Variants in KCNQ1 observed in about 807,000 individuals in gnomAD.
KCNQ1 encodes potassium voltage-gated channel subfamily Q member 1.
Under a neutral mutation model 72.4 loss-of-function variants are expected in KCNQ1, and 49 were observed. The observed-to-expected ratio is 0.68, with a 90% confidence interval of 0.54 to 0.86. The LOEUF is 0.86. Ranked by LOEUF, KCNQ1 falls within the 40% of genes least tolerant of loss-of-function variation. KCNQ1 has a pLI of 0.00. For missense variants in KCNQ1, 790 were observed against 945.1 expected, an observed-to-expected ratio of 0.84 and a Z score of 2.15; for synonymous variants, 450 against 412.6, an observed-to-expected ratio of 1.09 and a Z score of -1.10.
In KCNQ1 at chr11:2,498,466, C is replaced by T. The variant is rs1846956590; in HGVS notation, c.387-29462C>T. On this transcript the variant is annotated intron_variant, in intron 1 of 15. Coordinates refer to ENST00000155840, the MANE Select transcript of KCNQ1 (RefSeq NM_000218.3). This position sits in a 1 kb window ranked among gnomAD's most constrained non-coding sequence, Gnocchi z 4.8. The stretch of plus-strand genomic sequence containing the variant: ...GTGAATTCTGCCCAGTCCAAGCCTC[C>T]CAGCCTCCTTAGCACTATCAGGGGA... Among the ~76,000 whole-genome samples, 1 of 152,206 alleles carries T rather than the reference C, an allele frequency of 6.6e-6. No individual in the cohort carries two copies. Among genetic ancestry groups the T allele is most frequent in the South Asian group, 2.1e-4 (1 of 4,826 alleles).
intron 10 of KCNQ1, chr11:2,649,008 TC>T (rs1849715805): frequency 1.2e-5 from 4 of 343,694 alleles, no homozygotes; most frequent in East Asian, 7.9e-5. Context: ...TTTTTTTGAC[TC>T]AGTATTTTTT....
Position 2,592,614 on chromosome 11 carries a change from C to T in KCNQ1, c.1393+3760C>T, listed in dbSNP as rs1187911324. Among the ~76,000 whole-genome samples, 11 of 152,334 alleles carry T rather than the reference C, an allele frequency of 7.2e-5. No individual in the cohort carries two copies. Among genetic ancestry groups the T allele is most frequent in the African/African-American group, 2.4e-4 (10 of 41,584 alleles). On this transcript the variant is annotated intron_variant, in intron 10 of 15. Transcript: ENST00000155840. This position sits in a 1 kb window ranked among gnomAD's most constrained non-coding sequence, Gnocchi z 5.2. ...TTGCAGTGAAGCGTCACAGACTCCT[C>T]ATGAAGGATGCATGGGGACCCAACC...
rs1038499900 is a variant in KCNQ1, at chr11:2,764,885, C to A, written c.1515-3959C>A. Among the ~76,000 whole-genome samples, 15 of 152,158 alleles carry A rather than the reference C, an allele frequency of 9.9e-5. No individual in the cohort carries two copies. Among genetic ancestry groups the A allele is most frequent in the African/African-American group, 3.6e-4 (15 of 41,424 alleles). ...GATGGCGGTCATTTGTGTCCCCTCC[C>A]CCATCTGATCAGTCTTCCCAAAAGT... On this transcript the variant is annotated intron_variant, in intron 11 of 15. Transcript: ENST00000155840. This position sits in a 1 kb window ranked among gnomAD's most constrained non-coding sequence, Gnocchi z 4.8.
intron 14 of KCNQ1, among the ~76,000 whole-genome samples, chr11:2,777,393 T>C (rs1377505399): frequency 6.6e-6 from 1 of 151,974 alleles, no homozygotes. Context: ...TTCAAGAGAC[T>C]ATGGGTGGGG....
chr11:2,646,598 T>C, intron 10 of KCNQ1: 1 of 398,674 alleles, frequency 2.5e-6, no homozygotes, highest in Non-Finnish European at 4.4e-6. Context: ...CAATTTCTGC[T>C]CACTGCAACC....
chr11:2,716,566 G>A (rs1405878475), intron 11 of KCNQ1, among the ~76,000 whole-genome samples: 3 of 152,206 alleles, frequency 2.0e-5, no homozygotes, highest in Admixed American at 6.5e-5. Context: ...CTTGCCAAGC[G>A]GTGTTAGGAC....
At position 2,689,460 on chromosome 11, in the gene KCNQ1, A is replaced by G. The variant is rs577185991; in HGVS notation, c.1514+27379A>G. 3.8e-5 allele frequency: 15 copies of G among 398,428 alleles called. No homozygotes were observed. In the South Asian group the frequency reaches 1.9e-3, roughly 51 times the overall value. 24.7% of individuals were successfully genotyped at this position (398,428 alleles called of 1,614,324 possible). On this transcript the variant is annotated intron_variant, in intron 11 of 15. Coordinates refer to ENST00000155840, the MANE Select transcript of KCNQ1 (RefSeq NM_000218.3). Reference sequence around the variant, plus strand: ...CTGCCTTGGAATGACACTCCCAGAGACCTCTGCTCTGCCTACCTGCATTCT... The same window carrying G: ...CTGCCTTGGAATGACACTCCCAGAGGCCTCTGCTCTGCCTACCTGCATTCT...
chr11:2,495,780 G>C lies in KCNQ1; in HGVS notation c.387-32148G>C, dbSNP rs928188285. ...AGTTATGTGGTCAATTTTAGAATAA[G>C]TGCTATGTGATGCTGAGAACAATGT... On this transcript the variant is annotated intron_variant, in intron 1 of 15. Coordinates refer to ENST00000155840, the MANE Select transcript of KCNQ1 (RefSeq NM_000218.3). The surrounding 1 kb of genome is among the most constrained non-coding windows in gnomAD (Gnocchi z 4.6). Among the ~76,000 whole-genome samples, 1 of 152,200 alleles carries C rather than the reference G, an allele frequency of 6.6e-6. No individual in the cohort carries two copies. The highest frequency in any genetic ancestry group is 2.1e-4 in the South Asian group (1 of 4,830).
In KCNQ1 at chr11:2,539,893, G is replaced by T. The variant is rs141692549; in HGVS notation, c.477+11875G>T. ...TGGTGCAGGGGAGCCGGCGGGCCGGGTTGGGTTATGTCCTTGTTTTCACAT... is the reference window on the plus strand; with the variant it reads ...TGGTGCAGGGGAGCCGGCGGGCCGGTTTGGGTTATGTCCTTGTTTTCACAT... On this transcript the variant is annotated intron_variant, in intron 2 of 15. Transcript: ENST00000155840. Among the ~76,000 whole-genome samples, 15 of 152,350 alleles carry T rather than the reference G, an allele frequency of 9.8e-5. 1 individual carries two copies. The East Asian group carries it at 2.9e-3, about 29-fold the overall frequency.
rs562034883 is a variant in KCNQ1, at chr11:2,653,455, CACACAGCTGGACCCAGCTGTTTCAG to C, written c.1394-8491_1394-8467del. 1.2e-3 allele frequency: 487 copies of C among 398,624 alleles called. 3 individuals are homozygous for C. The highest frequency in any genetic ancestry group is 6.4e-3 in the African/African-American group (311 of 48,734). The allele number at this position is 398,624 out of a possible 1,614,324, so 24.7% of individuals were successfully genotyped here. A position where few individuals can be genotyped will look rare whatever the true frequency, so the allele number is the denominator to read the frequency against. ...AGCACAAAAGGGACATTTTTTGGCT[CACACAGCTGGACCCAGCTGTTTCAG>C]ACACAGCTGGACCCCAGAGCTGAGA... On this transcript the variant is annotated intron_variant, in intron 10 of 15. Coordinates refer to ENST00000155840, the MANE Select transcript of KCNQ1 (RefSeq NM_000218.3). The surrounding 1 kb of genome is among the most constrained non-coding windows in gnomAD (Gnocchi z 5.3).
chr11:2,684,605 G>A lies in KCNQ1; in HGVS notation c.1514+22524G>A, dbSNP rs1850453126. On this transcript the variant is annotated intron_variant, in intron 11 of 15. Coordinates refer to ENST00000155840, the MANE Select transcript of KCNQ1 (RefSeq NM_000218.3). ...AGGAGAGTGACTGTCCTTTGTCTGT[G>A]GCCCTGGATTTGAGGCTAAGCCTTC... The A allele has an allele frequency of 1.5e-5, 6 of 398,514 alleles. No homozygotes were observed. The South Asian group carries it at 7.6e-4, about 51-fold the overall frequency. The allele number at this position is 398,514 out of a possible 1,614,324, so 24.7% of individuals were successfully genotyped here. A position where few individuals can be genotyped will look rare whatever the true frequency, so the allele number is the denominator to read the frequency against.
At position 2,558,402 on chromosome 11, in the gene KCNQ1, T is replaced by A. The variant is rs377390044; in HGVS notation, c.478-12226T>A. On this transcript the variant is annotated intron_variant, in intron 2 of 15. Transcript: ENST00000155840. ...ACCCCTTGCCAGGTGATGGGTTGAT[T>A]CAGTGTGCTGGGGGTCTCCAGGCGG... is the stretch of plus-strand genomic sequence containing the variant. Among the ~76,000 whole-genome samples, 15 of 152,150 alleles carry A rather than the reference T, an allele frequency of 9.9e-5. No homozygotes were observed. The East Asian group carries it at 2.1e-3, about 22-fold the overall frequency.
chr11:2,446,478 C>T lies in KCNQ1; in HGVS notation c.386+994C>T, dbSNP rs561620200. ...TCAGGTGGAAGCATCTCCTCTGCCT[C>T]GGGCAGGCTCAGTAGAGAACTGGCT... On this transcript the variant is annotated intron_variant, in intron 1 of 15. Coordinates refer to ENST00000155840, the MANE Select transcript of KCNQ1 (RefSeq NM_000218.3). This position sits in a 1 kb window ranked among gnomAD's most constrained non-coding sequence, Gnocchi z 8.8. 2.8e-3 allele frequency among the ~76,000 whole-genome samples: 419 copies of T among 152,322 alleles called. 3 individuals carry two copies. Among genetic ancestry groups the T allele is most frequent in the Middle Eastern group, 6.8e-3 (2 of 294 alleles).
intron 2 of KCNQ1, among the ~76,000 whole-genome samples, chr11:2,532,121 A>G (rs890835277): frequency 6.6e-6 from 1 of 151,932 alleles, no homozygotes; most frequent in Non-Finnish European, 1.5e-5. Context: ...GCTTGGCACT[A>G]TCCTGCACAC....
At chr11:2,640,203 C>T (rs1849551260) in intron 10 of KCNQ1, 2 of 392,480 alleles carry the variant, frequency 5.1e-6, no homozygotes, top group Non-Finnish European at 4.5e-6. Flanking sequence ...CAGTGGGCTG[C>T]ACCCACTGTC....
In KCNQ1 at chr11:2,704,309, T is replaced by C. The variant is rs1850871309; in HGVS notation, c.1514+42228T>C. Among the ~76,000 whole-genome samples, 1 of 152,192 alleles carries C rather than the reference T, an allele frequency of 6.6e-6. No individual in the cohort carries two copies. The highest frequency in any genetic ancestry group is 6.5e-5 in the Admixed American group (1 of 15,290). ...CACTGGGGCTTCCCTTCCAACTTGA[T>C]GGTTTCAGGTACATGGGCCTGTTGT... On this transcript the variant is annotated intron_variant, in intron 11 of 15. Transcript: ENST00000155840. This position sits in a 1 kb window ranked among gnomAD's most constrained non-coding sequence, Gnocchi z 4.3.
Position 2,617,779 on chromosome 11 carries a change from G to A in KCNQ1, c.1393+28925G>A, listed in dbSNP as rs1172621891. ...TAATTTTGATTTGCATTTCCCTGAC[G>A]ATTAGTGATGTTAAATGTCTTTTCA... On this transcript the variant is annotated intron_variant, in intron 10 of 15. Transcript: ENST00000155840. The surrounding 1 kb of genome is among the most constrained non-coding windows in gnomAD (Gnocchi z 4.6). 5 of 398,372 alleles carry A rather than the reference G, an allele frequency of 1.3e-5. No homozygotes were observed. Among genetic ancestry groups the A allele is most frequent in the South Asian group, 1.3e-4 (1 of 7,856 alleles). 24.7% of individuals were successfully genotyped at this position (398,372 alleles called of 1,614,324 possible). A position where few individuals can be genotyped will look rare whatever the true frequency, so the allele number is the denominator to read the frequency against.
In KCNQ1 at chr11:2,459,976, C is replaced by T. The variant is rs141116328; in HGVS notation, c.386+14492C>T. On this transcript the variant is annotated intron_variant, in intron 1 of 15. Coordinates refer to ENST00000155840, the MANE Select transcript of KCNQ1 (RefSeq NM_000218.3). ...ACAAACTGAATTTAATAGTAGCTGA[C>T]GTGAACCCCTGTTTCTCCTCTAGGC... Among the ~76,000 whole-genome samples, 250 of 152,246 alleles carry T rather than the reference C, an allele frequency of 1.6e-3. 3 individuals carry two copies. In the South Asian group the frequency reaches 0.022, roughly 13 times the overall value.
At position 2,725,800 on chromosome 11, in the gene KCNQ1, G is replaced by A. The variant is rs898090008; in HGVS notation, c.1515-43044G>A. ...GGCCCCACCCCCGCCCCCACCCAAA[G>A]CACAGGTCACCTGCCTGGTTAATCA... On this transcript the variant is annotated intron_variant, in intron 11 of 15. Coordinates refer to ENST00000155840, the MANE Select transcript of KCNQ1 (RefSeq NM_000218.3). The surrounding 1 kb of genome is among the most constrained non-coding windows in gnomAD (Gnocchi z 7.2). Among the ~76,000 whole-genome samples the A allele has an allele frequency of 7.6e-6, 1 of 131,028 alleles. No individual in the cohort carries two copies. Among genetic ancestry groups the A allele is most frequent in the African/African-American group, 2.9e-5 (1 of 34,368 alleles). The allele number at this position is 131,028 out of a possible 152,430, so 86.0% of individuals were successfully genotyped here. A position where few individuals can be genotyped will look rare whatever the true frequency, so the allele number is the denominator to read the frequency against.
Sources: allele counts gnomAD v4.1 joint callset (sites outside exome capture counted in the v4.1 genomes callset), GRCh38; gene constraint gnomAD v4.1.1; non-coding constraint Gnocchi (gnomAD v3.1); transcripts MANE v1.5; gene names NCBI Gene and HGNC (gene_info 2026-07-23, HGNC 2026-07-21).